ATP2B2: variants seen among roughly 807,000 people sequenced by gnomAD.
ATP2B2 encodes plasma membrane calcium-transporting ATPase 2.
Under a neutral mutation model 120.0 loss-of-function variants are expected in ATP2B2, and 15 were observed. The observed-to-expected ratio is 0.12, with a 90% confidence interval of 0.08 to 0.19. The LOEUF (loss-of-function observed/expected upper bound fraction) is 0.19. Ranked by LOEUF, ATP2B2 falls within the 10% of genes least tolerant of loss-of-function variation. The pLI, the probability that ATP2B2 is intolerant of heterozygous loss-of-function variation, is 1.00. For synonymous variants in ATP2B2, 694 were observed against 700.3 expected, an observed-to-expected ratio of 0.99 and a Z score of 0.14; for missense variants, 1,045 against 1,719.8, an observed-to-expected ratio of 0.61 and a Z score of 6.94.
intron 1 of ATP2B2, among the ~76,000 whole-genome samples, chr3:10,676,984 C>T (rs771551200): frequency 1.3e-5 from 2 of 152,178 alleles, no homozygotes; most frequent in Non-Finnish European, 1.5e-5. Flanking sequence ...GATGCAGCCA[C>T]TTTGAAAGAC....
chr3:10,516,765 C>T (rs551825297), intron 3 of ATP2B2, among the ~76,000 whole-genome samples: 42 of 152,350 alleles, frequency 2.8e-4, no homozygotes, highest in African/African-American at 8.9e-4. Context: ...TGCCAGGTGC[C>T]GTGCCCACAG....
At position 10,329,990 on chromosome 3, in the gene ATP2B2, T is replaced by C. The variant is rs2059935011; in HGVS notation, c.3421-865A>G. On this transcript the variant is annotated intron_variant, in intron 22 of 22. Coordinates refer to ENST00000360273, the MANE Select transcript of ATP2B2 (RefSeq NM_001001331.4). The surrounding 1 kb of genome is among the most constrained non-coding windows in gnomAD (Gnocchi z 5.9). ...ACTCAAAGCCCTGGCCGGCCAGTTA[T>C]TGGAGCTTGCTTTGGGGTCTCTTAT... Among the ~76,000 whole-genome samples the C allele has an allele frequency of 6.6e-6, 1 of 152,242 alleles. No individual in the cohort carries two copies. The highest frequency in any genetic ancestry group is 2.4e-5 in the African/African-American group (1 of 41,470).
chr3:10,400,232 A>G (rs1021449210), intron 5 of ATP2B2, among the ~76,000 whole-genome samples: 20 of 152,232 alleles, frequency 1.3e-4, no homozygotes, highest in African/African-American at 4.8e-4. Context: ...AAACCGTTTC[A>G]GAGAATCCTC....
chr3:10,659,095 G>C (rs139508197), intron 1 of ATP2B2, among the ~76,000 whole-genome samples: 33,656 of 151,934 alleles, frequency 0.22, 6,278 homozygotes, highest in African/African-American at 0.5. Flanking sequence ...CTGAAGGAAG[G>C]ACTAAACATG....
chr3:10,365,075 A>G (rs1163551634), intron 12 of ATP2B2, among the ~76,000 whole-genome samples: 1 of 152,254 alleles, frequency 6.6e-6, no homozygotes, highest in Non-Finnish European at 1.5e-5. Flanking sequence ...GTCATGCACA[A>G]CTGAGGCCGG....
chr3:10,626,557 A>G (rs2069704622), intron 1 of ATP2B2: 1 of 148,022 alleles, frequency 6.8e-6, no homozygotes, highest in African/African-American at 2.6e-5. Flanking sequence ...AGATGGAGAG[A>G]GAAGGGGATG....
chr3:10,388,032 C>T, intron 6 of ATP2B2: 4 of 500,340 alleles, frequency 8.0e-6, no homozygotes, highest in South Asian at 8.0e-5. Flanking sequence ...CTTGGCCTGG[C>T]CCGGAGGGGA....
chr3:10,531,061 C>T (rs1295838455), intron 3 of ATP2B2, among the ~76,000 whole-genome samples: 1 of 152,158 alleles, frequency 6.6e-6, no homozygotes, highest in East Asian at 1.9e-4. Flanking sequence ...TCCCTGATTC[C>T]CTTATTGAGG....
intron 1 of ATP2B2, among the ~76,000 whole-genome samples, chr3:10,688,168 A>C (rs967072009): frequency 3.9e-5 from 6 of 152,130 alleles, no homozygotes; most frequent in Non-Finnish European, 7.3e-5. Context: ...ATTGTGAGAG[A>C]GGCCAGTCCA....
intron 2 of ATP2B2, among the ~76,000 whole-genome samples, chr3:10,578,853 A>C (rs1361012836): frequency 2.0e-5 from 3 of 152,228 alleles, no homozygotes; most frequent in Admixed American, 2.0e-4. Context: ...GTTCCAGAGT[A>C]GGTGAAACTA....
At chr3:10,335,756 C>T (rs1212562527) in intron 22 of ATP2B2, among the ~76,000 whole-genome samples, 2 of 152,212 alleles carry the variant, frequency 1.3e-5, no homozygotes, top group Non-Finnish European at 2.9e-5. Context: ...CCACATATGA[C>T]CCTAGGCCAG....
intron 2 of ATP2B2, among the ~76,000 whole-genome samples, chr3:10,614,360 G>C (rs1030266928): frequency 6.6e-6 from 1 of 152,006 alleles, no homozygotes; most frequent in African/African-American, 2.4e-5. Flanking sequence ...CTTTCCAGCT[G>C]GTTGTTATAA....
intron 1 of ATP2B2, among the ~76,000 whole-genome samples, chr3:10,623,623 C>T (rs1169423473): frequency 6.6e-6 from 1 of 152,224 alleles, no homozygotes; most frequent in Admixed American, 6.5e-5. Flanking sequence ...GGCGGAAGGC[C>T]TGCCTGCATC....
At chr3:10,631,910 G>A (rs959973108) in intron 1 of ATP2B2, among the ~76,000 whole-genome samples, 1 of 152,210 alleles carries the variant, frequency 6.6e-6, no homozygotes, top group African/African-American at 2.4e-5. Context: ...TTTACCCAAA[G>A]TGAGTTGCTA....
intron 1 of ATP2B2, chr3:10,625,926 T>G (rs2069686265): frequency 6.6e-6 from 1 of 152,262 alleles, no homozygotes; most frequent in South Asian, 2.1e-4. Flanking sequence ...ATCAGCAGTC[T>G]GCCTTCTTTT....
intron 1 of ATP2B2, among the ~76,000 whole-genome samples, chr3:10,658,159 A>G (rs2070686485): frequency 1.3e-5 from 2 of 152,240 alleles, no homozygotes; most frequent in East Asian, 1.9e-4. Flanking sequence ...AAACAGCAGA[A>G]AAGCTGAAAC....
At chr3:10,431,874 A>T (rs961730553) in intron 2 of ATP2B2, among the ~76,000 whole-genome samples, 3 of 152,186 alleles carry the variant, frequency 2.0e-5, no homozygotes, top group African/African-American at 7.2e-5. Flanking sequence ...AAACCCCACA[A>T]TGCTTGATCC....
intron 12 of ATP2B2, among the ~76,000 whole-genome samples, chr3:10,369,036 T>G (rs1211334144): frequency 6.6e-6 from 1 of 152,218 alleles, no homozygotes; most frequent in Non-Finnish European, 1.5e-5. Context: ...GGAACTGGCC[T>G]CCTTGTGGAG....
rs568960081 is a variant in ATP2B2, at chr3:10,565,173, C to T, written c.-414-31040G>A. 2.6e-5 allele frequency among the ~76,000 whole-genome samples: 4 copies of T among 152,274 alleles called. No individual in the cohort carries two copies. The South Asian group carries it at 6.2e-4, about 24-fold the overall frequency. On this transcript the variant is annotated intron_variant, in intron 2 of 21. Transcript: ENST00000646379. ...GCAAGGAACCTGGGTCAATGCATGA[C>T]CTCGTGGAGTAGAGCACTCTTGGCA...
Sources: gnomAD v4.1 joint callset for allele counts (sites outside exome capture counted in the v4.1 genomes callset) on GRCh38, gnomAD v4.1.1 for gene constraint, Gnocchi (gnomAD v3.1) non-coding constraint, MANE v1.5 for transcripts, NCBI Gene and HGNC (gene_info 2026-07-23, HGNC 2026-07-21) for gene names.